Variants in RFX3 observed in about 807,000 individuals in gnomAD.
RFX3 encodes regulatory factor X3, also known as transcription factor RFX3.
Under a neutral mutation model 98.6 loss-of-function variants are expected in RFX3, and 14 were observed. That is an observed-to-expected ratio of 0.14 (90% CI 0.09 to 0.22). The LOEUF (loss-of-function observed/expected upper bound fraction) is 0.22. Ranked by LOEUF, RFX3 falls within the 10% of genes least tolerant of loss-of-function variation. The probability of loss-of-function intolerance (pLI) is 1.00; values close to 1 mark genes in which losing one functional copy is unlikely to be tolerated. For missense variants in RFX3, 639 were observed against 926.9 expected (o/e 0.69, Z 4.03); for synonymous variants, 383 against 328.4 (o/e 1.17, Z -1.80).
At chr9:3,267,170 T>C (rs1323190015) in intron 11 of RFX3, among the ~76,000 whole-genome samples, 1 of 151,966 alleles carries the variant, frequency 6.6e-6, no homozygotes, top group African/African-American at 2.4e-5. Flanking sequence ...ATCCAGTTAA[T>C]AGTATTTTAC....
At chr9:3,330,613 C>T in intron 3 of RFX3, 96 bp from the exon 4 acceptor site, 1 of 1,200,138 alleles carries the variant, frequency 8.3e-7, no homozygotes, top group Non-Finnish European at 1.2e-6. Context: ...TATTGGTTGG[C>T]TTAGCCTTTG....
rs61209874 is a variant in RFX3, at chr9:3,423,778, CATATATATAT to C, written c.-8-28192_-8-28183del. On this transcript the variant is annotated intron_variant, in intron 1 of 16. Transcript: ENST00000617270. ...TTTCATTTTATGTATTATATATTTT[CATATATATAT>C]ATATATATATATATATATATATATC... is the stretch of plus-strand genomic sequence containing the variant. 5.8e-3 allele frequency among the ~76,000 whole-genome samples: 647 copies of C among 111,042 alleles called. 7 individuals are homozygous for C. Among genetic ancestry groups the C allele is most frequent in the Admixed American group, 8.7e-3 (85 of 9,764 alleles). The allele number at this position is 111,042 out of a possible 152,430, so 72.8% of individuals were successfully genotyped here.
At chr9:3,407,043 A>G (rs1842034685) in intron 1 of RFX3, among the ~76,000 whole-genome samples, 1 of 152,228 alleles carries the variant, frequency 6.6e-6, no homozygotes, top group South Asian at 2.1e-4. Flanking sequence ...ATGTCATCTT[A>G]GAATAAGTGG....
intron 1 of RFX3, among the ~76,000 whole-genome samples, chr9:3,427,421 ATAC>A (rs1163230863): frequency 1.4e-5 from 2 of 138,658 alleles, no homozygotes; most frequent in Non-Finnish European, 3.0e-5. Context: ...TTATATAATA[ATAC>A]AATATATAAA....
At position 3,286,005 on chromosome 9, in the gene RFX3, G is replaced by C. The variant is rs546671067; in HGVS notation, c.851+2126C>G. ...CTTCTATTTCTATGAAAGCTTGCTA[G>C]AATTCCTGGCAGTTAAATCACAGGA... On this transcript the variant is annotated intron_variant, in intron 7 of 16. Transcript: ENST00000617270. Among the ~76,000 whole-genome samples, 74 of 151,888 alleles carry C rather than the reference G, an allele frequency of 4.9e-4. 2 individuals carry two copies. Among genetic ancestry groups the C allele is most frequent in the African/African-American group, 1.6e-3 (67 of 41,510 alleles).
intron 1 of RFX3, among the ~76,000 whole-genome samples, chr9:3,508,589 A>T (rs1249848123): frequency 6.6e-6 from 1 of 151,990 alleles, no homozygotes; most frequent in South Asian, 2.1e-4. Flanking sequence ...CTAATATTTC[A>T]TCATACTTTC....
intron 1 of RFX3, among the ~76,000 whole-genome samples, chr9:3,419,657 G>C (rs1843278701): frequency 6.6e-6 from 1 of 152,020 alleles, no homozygotes. Context: ...GTATCTGCAG[G>C]GTATTGCTTC....
At chr9:3,350,528 A>C (rs953204926) in intron 2 of RFX3, among the ~76,000 whole-genome samples, 2 of 152,136 alleles carry the variant, frequency 1.3e-5, no homozygotes, top group African/African-American at 4.8e-5. Context: ...CACTAAACAT[A>C]ATCTAGTCAT....
chr9:3,314,398 G>C (rs1054472079), intron 4 of RFX3, among the ~76,000 whole-genome samples: 2 of 152,128 alleles, frequency 1.3e-5, no homozygotes, highest in South Asian at 2.1e-4. Context: ...CAAATAACTG[G>C]TACCAGCCAC....
At chr9:3,335,775 T>C (rs988289267) in intron 3 of RFX3, among the ~76,000 whole-genome samples, 3 of 152,208 alleles carry the variant, frequency 2.0e-5, no homozygotes, top group African/African-American at 7.2e-5. Flanking sequence ...AGCTTCTTCA[T>C]AGCTGACTCT....
intron 2 of RFX3, among the ~76,000 whole-genome samples, chr9:3,357,098 T>C (rs1587286272): frequency 6.6e-6 from 1 of 151,922 alleles, no homozygotes. Context: ...CTTTGGCACT[T>C]TCAAAAATAC....
Position 3,224,867 on chromosome 9 carries a change from T to A in RFX3, c.*175A>T, listed in dbSNP as rs559855276. 4 of 528,562 alleles carry A rather than the reference T, an allele frequency of 7.6e-6. No homozygotes were observed. In the East Asian group the frequency reaches 1.2e-4, roughly 16 times the overall value. The allele number at this position is 528,562 out of a possible 1,614,324, so 32.7% of individuals were successfully genotyped here. A position where few individuals can be genotyped will look rare whatever the true frequency, so the allele number is the denominator to read the frequency against. ...TAAGAAGCAAATAATTTGTTTACGT[T>A]AAAAAAAAAGATCTGGCAAAATACA... On this transcript the variant is annotated 3_prime_UTR_variant, in exon 17 of 17. Transcript: ENST00000617270.
chr9:3,424,541 T>G (rs1003422682), intron 1 of RFX3, among the ~76,000 whole-genome samples: 1 of 151,408 alleles, frequency 6.6e-6, no homozygotes, highest in Non-Finnish European at 1.5e-5. Context: ...TTTGTATTTT[T>G]AGTAGAGACG....
intron 1 of RFX3, among the ~76,000 whole-genome samples, chr9:3,465,095 C>A (rs1848082773): frequency 6.6e-6 from 1 of 152,060 alleles, no homozygotes; most frequent in Non-Finnish European, 1.5e-5. Flanking sequence ...GAATCACTAA[C>A]TCATAACAAT....
intron 13 of RFX3, among the ~76,000 whole-genome samples, chr9:3,258,628 A>G (rs973442364): frequency 1.1e-3 from 164 of 152,118 alleles, no homozygotes; most frequent in African/African-American, 3.8e-3. Context: ...ACCACTTTTA[A>G]ATATTTTAAG....
rs547945220 is a variant in RFX3 at position 3,484,787 on chromosome 9, T to C, written c.-9+40960A>G. 2.0e-5 allele frequency among the ~76,000 whole-genome samples: 3 copies of C among 152,150 alleles called. No individual in the cohort carries two copies. In the South Asian group the frequency reaches 6.2e-4, roughly 32 times the overall value. The stretch of plus-strand genomic sequence containing the variant: ...ACAGAATATAGTAAAATTTGGGCAG[T>C]TAAATAGTAAACAAAGGCTGGGTGC... On this transcript the variant is annotated intron_variant, in intron 1 of 16. Coordinates refer to ENST00000617270, the MANE Select transcript of RFX3 (RefSeq NM_001282116.2).
chr9:3,386,955 A>G (rs910278754), intron 2 of RFX3, among the ~76,000 whole-genome samples: 11 of 152,172 alleles, frequency 7.2e-5, no homozygotes, highest in African/African-American at 1.9e-4. Context: ...CCTTCTGCAA[A>G]GAGGCTCTTG....
At chr9:3,423,387 C>T (rs890108016) in intron 1 of RFX3, among the ~76,000 whole-genome samples, 2 of 152,088 alleles carry the variant, frequency 1.3e-5, no homozygotes, top group Non-Finnish European at 1.5e-5. Context: ...ACCAAATATA[C>T]ATCAAGAGGT....
chr9:3,481,078 C>G (rs1564157443), intron 1 of RFX3, among the ~76,000 whole-genome samples: 2 of 152,072 alleles, frequency 1.3e-5, no homozygotes, highest in African/African-American at 4.8e-5. Context: ...TTATTATTGT[C>G]CAATTATATG....
Sources: allele counts gnomAD v4.1 joint callset (sites outside exome capture counted in the v4.1 genomes callset), GRCh38; gene constraint gnomAD v4.1.1; transcripts MANE v1.5; gene names NCBI Gene and HGNC (gene_info 2026-07-23, HGNC 2026-07-21).